CSMD1: variants seen among roughly 807,000 people sequenced by gnomAD.
The protein encoded by CSMD1 is CUB and Sushi multiple domains 1.
A neutral mutation model predicts 417.5 loss-of-function variants in CSMD1; 213 were observed. That is an observed-to-expected ratio of 0.51 (90% CI 0.46 to 0.57). The LOEUF (loss-of-function observed/expected upper bound fraction) is 0.57. CSMD1 is among the 20% of genes least tolerant of loss of function. CSMD1 has a pLI of 0.00. For missense variants in CSMD1, 6,923 were observed against 4,529.7 expected, an observed-to-expected ratio of 1.53 and a Z score of -15.17; for synonymous variants, 2,862 against 1,736.8, an observed-to-expected ratio of 1.65 and a Z score of -16.11.
intron 5 of CSMD1, among the ~76,000 whole-genome samples, chr8:3,944,144 T>C (rs1194831668): frequency 1.3e-5 from 2 of 152,170 alleles, no homozygotes; most frequent in Non-Finnish European, 2.9e-5. Flanking sequence ...TAGTGAAGGC[T>C]ACACAGAATT....
chr8:3,554,853 C>T (rs1799074340), intron 10 of CSMD1, among the ~76,000 whole-genome samples: 1 of 152,034 alleles, frequency 6.6e-6, no homozygotes, highest in African/African-American at 2.4e-5. Flanking sequence ...GTGTGAACAG[C>T]CAGCAGGCAG....
intron 11 of CSMD1, among the ~76,000 whole-genome samples, chr8:3,472,025 G>C (rs1253693226): frequency 6.6e-6 from 1 of 151,946 alleles, no homozygotes; most frequent in Non-Finnish European, 1.5e-5. Flanking sequence ...CTTTCACTTT[G>C]AGACTTATGC....
At chr8:3,832,118 A>T (rs1233798098) in intron 5 of CSMD1, among the ~76,000 whole-genome samples, 4 of 152,130 alleles carry the variant, frequency 2.6e-5, no homozygotes, top group Non-Finnish European at 5.9e-5. Context: ...ATGTGGGCAA[A>T]CAGTAATTCT....
chr8:3,902,422 T>C (rs966704852), intron 5 of CSMD1, among the ~76,000 whole-genome samples: 1 of 152,150 alleles, frequency 6.6e-6, no homozygotes, highest in Non-Finnish European at 1.5e-5. Context: ...CCCATCTTTT[T>C]TGCTACCAGG....
At chr8:4,987,166 AAAAT>A (rs1219854390) in intron 1 of CSMD1, among the ~76,000 whole-genome samples, 5 of 152,192 alleles carry the variant, frequency 3.3e-5, no homozygotes, top group African/African-American at 7.2e-5. Flanking sequence ...GCGTGGGTAG[AAAAT>A]AAATAGATTT....
chr8:4,053,701 A>G (rs1331446754), intron 3 of CSMD1, among the ~76,000 whole-genome samples: 4 of 152,086 alleles, frequency 2.6e-5, no homozygotes, highest in Non-Finnish European at 4.4e-5. Context: ...ACAGCTCATC[A>G]TGGCAGTAGG....
chr8:4,258,363 G>C (rs1377289331), intron 3 of CSMD1, among the ~76,000 whole-genome samples: 2 of 29,482 alleles, frequency 6.8e-5, no homozygotes, highest in African/African-American at 3.1e-4. Context: ...GAGAAGGAGG[G>C]AAGGAGGGAG....
At chr8:3,411,315 G>C (rs951165015) in intron 12 of CSMD1, among the ~76,000 whole-genome samples, 1 of 152,134 alleles carries the variant, frequency 6.6e-6, no homozygotes. Context: ...GGGGCCAAGA[G>C]CAAATTCTTT....
chr8:4,353,165 G>T (rs945339226), intron 3 of CSMD1, among the ~76,000 whole-genome samples: 1 of 152,156 alleles, frequency 6.6e-6, no homozygotes, highest in African/African-American at 2.4e-5. Context: ...CTGTCACCTT[G>T]AATTGTAATA....
intron 2 of CSMD1, among the ~76,000 whole-genome samples, chr8:4,425,456 A>C (rs1417024073): frequency 1.3e-5 from 2 of 152,160 alleles, no homozygotes; most frequent in Middle Eastern, 3.4e-3. Context: ...ATTGATCATA[A>C]AGAGCTTTCA....
intron 26 of CSMD1, among the ~76,000 whole-genome samples, chr8:3,243,204 G>A (rs1352483285): frequency 1.3e-5 from 2 of 152,258 alleles, no homozygotes; most frequent in East Asian, 3.9e-4. Context: ...GTTCCTTGGG[G>A]TGGTGGGTCT....
chr8:3,698,699 G>A (rs1289962245), intron 7 of CSMD1, among the ~76,000 whole-genome samples: 5 of 152,174 alleles, frequency 3.3e-5, no homozygotes, highest in Admixed American at 2.6e-4. Context: ...TAATATTATT[G>A]TGAAGCAAAA....
chr8:3,895,219 A>G (rs2627431), intron 5 of CSMD1, among the ~76,000 whole-genome samples: 22,126 of 152,216 alleles, frequency 0.15, 2,529 homozygotes, highest in African/African-American at 0.32. Context: ...AATTAAAATA[A>G]TTAGTGTTTA....
rs967845800 is a variant in CSMD1 at position 4,260,924 on chromosome 8, G to C, written c.415+159029C>G. Among the ~76,000 whole-genome samples, 8 of 152,226 alleles carry C rather than the reference G, an allele frequency of 5.3e-5. No homozygotes were observed. In the South Asian group the frequency reaches 6.2e-4, roughly 12 times the overall value. On this transcript the variant is annotated intron_variant, in intron 3 of 69. Transcript: ENST00000635120. Reference sequence around the variant, plus strand: ...AGGAACACCACGGTTATTTTAGTTAGTATTTACCTGGTGTATTTTTCTACT... The same window carrying C: ...AGGAACACCACGGTTATTTTAGTTACTATTTACCTGGTGTATTTTTCTACT...
At position 3,168,655 on chromosome 8, in the gene CSMD1, AT is replaced by A. The variant is rs1444353804; in HGVS notation, c.5726-6379del. ...ATCACACACACACACACACACACAAATATATATATATATGGAAAACGCCATT... is the reference window on the plus strand; with the variant it reads ...ATCACACACACACACACACACACAAAATATATATATATGGAAAACGCCATT... On this transcript the variant is annotated intron_variant, in intron 37 of 69. Transcript: ENST00000635120. Among the ~76,000 whole-genome samples, 542 of 151,586 alleles carry A rather than the reference AT, an allele frequency of 3.6e-3. 8 individuals carry two copies. The highest frequency in any genetic ancestry group is 0.012 in the African/African-American group (493 of 41,424).
At chr8:4,711,987 T>G (rs569186818) in intron 1 of CSMD1, among the ~76,000 whole-genome samples, 4 of 152,316 alleles carry the variant, frequency 2.6e-5, no homozygotes, top group South Asian at 4.1e-4. Context: ...AGTCAGTGAT[T>G]TGAAATATGT....
intron 7 of CSMD1, among the ~76,000 whole-genome samples, chr8:3,685,380 C>T (rs951316075): frequency 6.6e-6 from 1 of 152,162 alleles, no homozygotes; most frequent in Non-Finnish European, 1.5e-5. Flanking sequence ...ACCAGGGGTC[C>T]TGTCTGGGTC....
intron 3 of CSMD1, among the ~76,000 whole-genome samples, chr8:4,137,142 C>A (rs968014420): frequency 6.6e-5 from 10 of 152,164 alleles, no homozygotes; most frequent in African/African-American, 2.2e-4. Context: ...CCATTCATAA[C>A]AGATGCTGTA....
intron 25 of CSMD1, among the ~76,000 whole-genome samples, chr8:3,299,146 A>T (rs62504382): frequency 6.6e-6 from 1 of 152,094 alleles, no homozygotes; most frequent in Non-Finnish European, 1.5e-5. Context: ...CACTAGGTAA[A>T]GGAAGTTAAA....
Sources: allele counts gnomAD v4.1 joint callset (sites outside exome capture counted in the v4.1 genomes callset), GRCh38; gene constraint gnomAD v4.1.1; transcripts MANE v1.5; gene names NCBI Gene and HGNC (gene_info 2026-07-23, HGNC 2026-07-21).